HS3ST4: variants seen among roughly 807,000 people sequenced by gnomAD.
HS3ST4 encodes heparan sulfate-glucosamine 3-sulfotransferase 4.
In HS3ST4, 17 loss-of-function variants were observed where a neutral mutation model predicts 29.2. That is an observed-to-expected ratio of 0.58 (90% CI 0.40 to 0.87). The LOEUF is 0.87. Among genes scored for constraint, HS3ST4 ranks in the 40% least tolerant of loss-of-function variants. The pLI, the probability that HS3ST4 is intolerant of heterozygous loss-of-function variation, is 0.00. For missense variants in HS3ST4, 627 were observed against 634.5 expected, an observed-to-expected ratio of 0.99 and a Z score of 0.13; for synonymous variants, 314 against 285.7, an observed-to-expected ratio of 1.10 and a Z score of -1.00.
chr16:25,715,793 G>T (rs1263650001), intron 1 of HS3ST4, among the ~76,000 whole-genome samples: 2 of 152,228 alleles, frequency 1.3e-5, no homozygotes, highest in African/African-American at 4.8e-5. Context: ...CAAAGCCGGA[G>T]TCCCTCTGTC....
chr16:25,945,287 T>G lies in HS3ST4; in HGVS notation c.735-190325T>G, dbSNP rs186078837. On this transcript the variant is annotated intron_variant, in intron 1 of 1. Coordinates refer to ENST00000331351, the MANE Select transcript of HS3ST4 (RefSeq NM_006040.3). ...TGGCCATGTAATTTGATAAATTGCT[T>G]TTTCCCCCCTTTCTCAATAATATGT... is the stretch of plus-strand genomic sequence containing the variant. 4.1e-3 allele frequency among the ~76,000 whole-genome samples: 627 copies of G among 152,304 alleles called. 4 individuals are homozygous for G. The highest frequency in any genetic ancestry group is 0.014 in the African/African-American group (596 of 41,572).
intron 1 of HS3ST4, among the ~76,000 whole-genome samples, chr16:26,077,408 C>T (rs1323143880): frequency 6.6e-6 from 1 of 152,232 alleles, no homozygotes; most frequent in Non-Finnish European, 1.5e-5. Context: ...ATCTGGATAT[C>T]AGCATGGCTC....
chr16:25,951,691 C>T (rs6497901), intron 1 of HS3ST4, among the ~76,000 whole-genome samples: 23,745 of 152,150 alleles, frequency 0.16, 3,389 homozygotes, highest in African/African-American at 0.38. Context: ...CTTCTTGCTG[C>T]TTTATAACAA....
intron 1 of HS3ST4, among the ~76,000 whole-genome samples, chr16:26,008,393 G>GT: frequency 6.6e-6 from 1 of 152,254 alleles, no homozygotes; most frequent in Non-Finnish European, 1.5e-5. Flanking sequence ...GATAAAGGCT[G>GT]TTTTTTCACC....
In HS3ST4 at chr16:25,692,835, C is replaced by T. The variant is rs1567221205; in HGVS notation, c.418C>T (p.Leu140Phe). ...SGGGGAQDAW[L>F]RTPLAPSEMI... ...CGGCGGAGGCGCCCAGGACGCCTGG[C>T]TCCGGACCCCGCTGGCCCCCAGCGA... The change falls in exon 1 of 2, where the codon CTC becomes TTC. Residue 140 changes from leucine to phenylalanine, a missense_variant. Transcript: ENST00000331351. 4 of 1,412,044 alleles carry T rather than the reference C, an allele frequency of 2.8e-6. No individual in the cohort carries two copies. Among genetic ancestry groups the T allele is most frequent in the Non-Finnish European group, 3.7e-6 (4 of 1,088,266 alleles). 87.5% of individuals were successfully genotyped at this position (1,412,044 alleles called of 1,614,324 possible).
At chr16:25,965,839 A>ATAAT (rs1174903238) in intron 1 of HS3ST4, among the ~76,000 whole-genome samples, 3 of 152,284 alleles carry the variant, frequency 2.0e-5, no homozygotes, top group Middle Eastern at 3.4e-3. Context: ...TCCTCTGTAC[A>ATAAT]TAATTAATTA....
At chr16:26,093,367 G>A (rs1898881075) in intron 1 of HS3ST4, among the ~76,000 whole-genome samples, 1 of 152,082 alleles carries the variant, frequency 6.6e-6, no homozygotes, top group African/African-American at 2.4e-5. Flanking sequence ...ACAGGCGGGT[G>A]CTCCTCTGGG....
At chr16:25,918,108 A>G (rs1968310803) in intron 1 of HS3ST4, among the ~76,000 whole-genome samples, 1 of 152,226 alleles carries the variant, frequency 6.6e-6, no homozygotes, top group African/African-American at 2.4e-5. Flanking sequence ...ATAACAATTC[A>G]ATTCAACACA....
intron 1 of HS3ST4, among the ~76,000 whole-genome samples, chr16:25,697,514 C>G (rs925030730): frequency 2.0e-5 from 3 of 152,222 alleles, no homozygotes; most frequent in African/African-American, 7.2e-5. Flanking sequence ...AAGTCCACCT[C>G]TTTTTACCTT....
Position 26,135,881 on chromosome 16 carries a change from T to C in HS3ST4, c.1004T>C (p.Ile335Thr), listed in dbSNP as rs777809164. 10 of 1,613,944 alleles carry C rather than the reference T, an allele frequency of 6.2e-6. No individual in the cohort carries two copies. The highest frequency in any genetic ancestry group is 8.5e-6 in the Non-Finnish European group (10 of 1,179,874). The change falls in exon 2 of 2, where the codon ATC becomes ACC. Residue 335 changes from isoleucine (I) to threonine (T), a missense_variant. Transcript: ENST00000331351. ...TCCTGGAGTGCCATTCGAATAGGGA[T>C]CTATGCGCTGCATCTGGAAAACTGG... The part of the protein sequence containing the change: ...DASWSAIRIG[I>T]YALHLENWLQ...
intron 1 of HS3ST4, among the ~76,000 whole-genome samples, chr16:25,823,233 G>A (rs1339035258): frequency 6.6e-6 from 1 of 152,158 alleles, no homozygotes; most frequent in Non-Finnish European, 1.5e-5. Context: ...TCTATTCAGG[G>A]ATGCTCTTAC....
intron 1 of HS3ST4, among the ~76,000 whole-genome samples, chr16:26,123,053 C>CAAA (rs111948307): frequency 2.5e-5 from 3 of 122,392 alleles, no homozygotes; most frequent in Non-Finnish European, 3.6e-5. Flanking sequence ...GACTCTGTCT[C>CAAA]AAAAAAAAAA....
chr16:25,751,079 A>G (rs1212934279), intron 1 of HS3ST4, among the ~76,000 whole-genome samples: 1 of 152,122 alleles, frequency 6.6e-6, no homozygotes, highest in Admixed American at 6.5e-5. Flanking sequence ...ATACGTAAAG[A>G]ATTGATGAGG....
intron 1 of HS3ST4, among the ~76,000 whole-genome samples, chr16:25,787,541 C>G (rs563824998): frequency 1.3e-5 from 2 of 152,322 alleles, no homozygotes; most frequent in South Asian, 4.1e-4. Context: ...ATCTGTTCTT[C>G]TAAAATAGGG....
chr16:25,715,703 G>A (rs1276965332), intron 1 of HS3ST4, among the ~76,000 whole-genome samples: 1 of 152,202 alleles, frequency 6.6e-6, no homozygotes, highest in Non-Finnish European at 1.5e-5. Context: ...TGACAGGATG[G>A]CTTTAGCTCT....
At chr16:25,835,379 C>G (rs575539653) in intron 1 of HS3ST4, among the ~76,000 whole-genome samples, 1 of 152,218 alleles carries the variant, frequency 6.6e-6, no homozygotes, top group East Asian at 1.9e-4. Flanking sequence ...TTTTTTCCTG[C>G]TTTCCTACTT....
At chr16:25,837,765 G>A (rs995151764) in intron 1 of HS3ST4, among the ~76,000 whole-genome samples, 4 of 152,022 alleles carry the variant, frequency 2.6e-5, no homozygotes, top group South Asian at 4.2e-4. Context: ...GACTTAAATC[G>A]TCACTTTATT....
intron 1 of HS3ST4, among the ~76,000 whole-genome samples, chr16:26,076,419 G>A (rs1200969363): frequency 6.6e-6 from 1 of 152,198 alleles, no homozygotes; most frequent in East Asian, 1.9e-4. Context: ...AATCTAGCAA[G>A]GAGTGTCTTA....
At chr16:26,065,955 T>C (rs1394283549) in intron 1 of HS3ST4, among the ~76,000 whole-genome samples, 1 of 152,232 alleles carries the variant, frequency 6.6e-6, no homozygotes, top group Non-Finnish European at 1.5e-5. Flanking sequence ...AACAAAATAA[T>C]TGTCTACATC....
Sources: allele counts gnomAD v4.1 joint callset (sites outside exome capture counted in the v4.1 genomes callset), GRCh38; gene constraint gnomAD v4.1.1; transcripts MANE v1.5; gene names NCBI Gene and HGNC (gene_info 2026-07-23, HGNC 2026-07-21).